ZNF670: variants seen among roughly 807,000 people sequenced by gnomAD.
ZNF670 encodes the protein zinc finger protein 670.
ZNF670 carries 7 observed loss-of-function variants against 10.9 expected under a neutral mutation model. That is an observed-to-expected ratio of 0.64 (90% CI 0.36 to 1.20). The LOEUF is 1.20. ZNF670 is among the 50% of genes most tolerant of loss of function. The pLI is 0.02. For missense variants in ZNF670, 446 were observed against 458.6 expected, an observed-to-expected ratio of 0.97 and a Z score of 0.25; for synonymous variants, 136 against 152.7, an observed-to-expected ratio of 0.89 and a Z score of 0.81.
intron 1 of ZNF670, among the ~76,000 whole-genome samples, chr1:247,068,904 G>A (rs146079748): frequency 7.0e-6 from 1 of 143,124 alleles, no homozygotes; most frequent in African/African-American, 2.6e-5. Context: ...AGATCATGAT[G>A]TTAAGCAAAA....
chr1:247,067,841 C>CAAAAAAAA (rs61211824), intron 1 of ZNF670, among the ~76,000 whole-genome samples: 17 of 85,264 alleles, frequency 2.0e-4, no homozygotes, highest in South Asian at 6.6e-4. Context: ...GACTCCGTCT[C>CAAAAAAAA]AAAAAAAAAA....
chr1:247,036,444 G>C lies in ZNF670; in HGVS notation c.*1005C>G, dbSNP rs1005905884. 2.6e-5 allele frequency among the ~76,000 whole-genome samples: 4 copies of C among 152,084 alleles called. No individual in the cohort carries two copies. The highest frequency in any genetic ancestry group is 9.7e-5 in the African/African-American group (4 of 41,402). The stretch of plus-strand genomic sequence containing the variant: ...GAGGCAGGAGGATAGCTTGAGGCCA[G>C]GAATTCAATACCAGCCTAGACAATA... On this transcript the variant is annotated 3_prime_UTR_variant, in exon 4 of 4. Coordinates refer to ENST00000366503, the MANE Select transcript of ZNF670 (RefSeq NM_033213.5).
At chr1:247,039,321 A>G (rs1418159711) in intron 2 of ZNF670, 90 bp downstream of exon 2, 27 of 1,486,356 alleles carry the variant, frequency 1.8e-5, no homozygotes, top group Admixed American at 1.8e-4. Context: ...TTGGCCTCCC[A>G]AAGTGCTGGG....
intron 1 of ZNF670, among the ~76,000 whole-genome samples, chr1:247,073,339 C>T (rs988918942): frequency 6.6e-5 from 10 of 152,110 alleles, no homozygotes; most frequent in Non-Finnish European, 1.2e-4. Context: ...GGTTCCCAAG[C>T]TTGGGGGCCA....
intron 1 of ZNF670, among the ~76,000 whole-genome samples, chr1:247,058,048 C>T (rs560767580): frequency 5.5e-4 from 84 of 152,210 alleles, no homozygotes; most frequent in Non-Finnish European, 9.3e-4. Flanking sequence ...ACCCCATTTA[C>T]CCTGGTACAA....
Position 247,063,538 on chromosome 1 carries a change from G to A in ZNF670, c.3+15056C>T, listed in dbSNP as rs190291355. On this transcript the variant is annotated intron_variant, in intron 1 of 3. Transcript: ENST00000366503. ...GCGGAGCTTGCAGTGAGCCGAGATC[G>A]TGCCACTGCACTCCAGCCTGGGCGA... Among the ~76,000 whole-genome samples the A allele has an allele frequency of 2.1e-3, 307 of 146,208 alleles. 5 individuals are homozygous for A. The highest frequency in any genetic ancestry group is 2.9e-3 in the Admixed American group (42 of 14,554).
chr1:247,043,329 G>T, intron 1 of ZNF670: 1 of 580,586 alleles, frequency 1.7e-6, no homozygotes, highest in Non-Finnish European at 3.3e-6. Flanking sequence ...GTCTTCGGTG[G>T]TATATTCTGG....
chr1:247,048,585 C>A (rs1179749553), intron 1 of ZNF670, among the ~76,000 whole-genome samples: 1 of 152,218 alleles, frequency 6.6e-6, no homozygotes, highest in Non-Finnish European at 1.5e-5. Flanking sequence ...CCACTCTCTA[C>A]AGTACCAACT....
intron 1 of ZNF670, among the ~76,000 whole-genome samples, chr1:247,047,120 T>C (rs906162206): frequency 3.9e-5 from 6 of 152,218 alleles, no homozygotes; most frequent in African/African-American, 1.2e-4. Flanking sequence ...AAGGTGGCAT[T>C]GTCTGTGACT....
Position 247,038,013 on chromosome 1 carries a change from A to G in ZNF670, c.606T>C (p.Cys202=). Reference sequence around the variant, plus strand: ...AACTTGAATAATTGAAGGCTTTATCACAATGTTTACATTTATATGTTTTCT... The same window carrying G: ...AACTTGAATAATTGAAGGCTTTATCGCAATGTTTACATTTATATGTTTTCT... ...TGEKTYKCKH[C]DKAFNYSSYL... Residue 202 remains cysteine, a synonymous_variant, in exon 4 of 4, where the codon TGT becomes TGC. Transcript: ENST00000366503. 1 of 1,613,824 alleles carries G rather than the reference A, an allele frequency of 6.2e-7. No individual in the cohort carries two copies. The highest frequency in any genetic ancestry group is 8.5e-7 in the Non-Finnish European group (1 of 1,179,888).
intron 1 of ZNF670, among the ~76,000 whole-genome samples, chr1:247,065,142 T>C (rs1303350332): frequency 6.6e-6 from 1 of 152,162 alleles, no homozygotes; most frequent in African/African-American, 2.4e-5. Context: ...AATAAAAAGA[T>C]GCCAATAAGA....
In ZNF670 at chr1:247,038,345, G is replaced by T; in HGVS notation, c.274C>A (p.Leu92Met). 1 of 1,614,114 alleles carries T rather than the reference G, an allele frequency of 6.2e-7. No homozygotes were observed. The highest frequency in any genetic ancestry group is 8.5e-7 in the Non-Finnish European group (1 of 1,180,000). Residue 92 changes from leucine to methionine, a missense_variant, in exon 4 of 4, where the codon CTG becomes ATG. Transcript: ENST00000366503. ...ETFSQDSNLNLNKKVSTGVKP... is the reference protein window; with the variant it reads ...ETFSQDSNLNMNKKVSTGVKP... ...ACTCCAGTAGAAACTTTCTTATTCA[G>T]ATTCAAATTTGAATCCTGGCTGAAG...
intron 1 of ZNF670, among the ~76,000 whole-genome samples, chr1:247,076,790 A>G (rs561485573): frequency 1.8e-4 from 27 of 151,940 alleles, no homozygotes; most frequent in African/African-American, 6.0e-4. Context: ...CCTCCTGAGT[A>G]GCTGGGATTA....
intron 1 of ZNF670, among the ~76,000 whole-genome samples, chr1:247,045,103 C>T (rs953539940): frequency 3.3e-5 from 5 of 152,260 alleles, no homozygotes; most frequent in African/African-American, 9.6e-5. Context: ...TCCAGAGAAT[C>T]GTAACTCACT....
chr1:247,053,656 AC>A (rs1558341439), intron 1 of ZNF670, among the ~76,000 whole-genome samples: 14 of 151,390 alleles, frequency 9.2e-5, no homozygotes, highest in South Asian at 2.1e-4. Context: ...AAACAAACAA[AC>A]AAACAAAAAT....
At chr1:247,051,705 A>G (rs1237248129) in intron 1 of ZNF670, among the ~76,000 whole-genome samples, 1 of 152,154 alleles carries the variant, frequency 6.6e-6, no homozygotes, top group Admixed American at 6.5e-5. Flanking sequence ...CTCAAATAAG[A>G]ATTCCAAAAT....
intron 1 of ZNF670, among the ~76,000 whole-genome samples, chr1:247,057,761 T>C (rs1242212855): frequency 2.0e-5 from 3 of 152,238 alleles, no homozygotes; most frequent in African/African-American, 7.2e-5. Flanking sequence ...TGTTCTCACT[T>C]ACTTGTGAGA....
chr1:247,056,039 AAGAG>A (rs893036375), intron 1 of ZNF670, among the ~76,000 whole-genome samples: 13 of 151,986 alleles, frequency 8.6e-5, no homozygotes, highest in African/African-American at 3.1e-4. Context: ...AATAGAGCTA[AAGAG>A]AGAGAGACCC....
At chr1:247,068,608 T>C (rs191174384) in intron 1 of ZNF670, among the ~76,000 whole-genome samples, 1 of 150,610 alleles carries the variant, frequency 6.6e-6, no homozygotes, top group East Asian at 1.9e-4. Flanking sequence ...TGGAGATTCC[T>C]CAAAGGACTA....
Sources: gnomAD v4.1 joint callset for allele counts (sites outside exome capture counted in the v4.1 genomes callset) on GRCh38, gnomAD v4.1.1 for gene constraint, MANE v1.5 for transcripts, NCBI Gene and HGNC (gene_info 2026-07-23, HGNC 2026-07-21) for gene names.